The following IFFO1 variants were observed in gnomAD, a reference collection of about 807,000 sequenced individuals.
IFFO1 encodes intermediate filament family orphan 1.
A neutral mutation model predicts 59.6 loss-of-function variants in IFFO1; 42 were observed. The observed-to-expected ratio is 0.70, with a 90% CI of 0.55 to 0.91. The LOEUF (loss-of-function observed/expected upper bound fraction) is 0.91, where lower values mean the gene tolerates loss of function less well. Among genes scored for constraint, IFFO1 ranks in the 40% least tolerant of loss-of-function variants. The pLI is 0.00. For synonymous variants in IFFO1, 336 were observed against 342.8 expected (o/e 0.98, Z 0.22); for missense variants, 711 against 793.2 (o/e 0.90, Z 1.24).
chr12:6,556,034 G>A lies in IFFO1; in HGVS notation c.-5C>T, dbSNP rs1248007742. 1.3e-6 allele frequency: 2 copies of A among 1,575,076 alleles called. No homozygotes were observed. The highest frequency in any genetic ancestry group is 3.5e-5 in the Admixed American group (2 of 56,642). ...GGGGCCGAATAACGGATTCATGGCT[G>A]CGCCTTCTGCTGGGAGATGCAGACC... On this transcript the variant is annotated 5_prime_UTR_variant, in exon 1 of 10. Transcript: ENST00000619571.
At chr12:6,554,052 C>T (rs1947337847) in intron 1 of IFFO1, among the ~76,000 whole-genome samples, 1 of 149,910 alleles carries the variant, frequency 6.7e-6, no homozygotes, top group Non-Finnish European at 1.5e-5. Context: ...ATTTGGGATG[C>T]TTTTTCTATA....
intron 8 of IFFO1, among the ~76,000 whole-genome samples, chr12:6,544,414 C>T (rs904710325): frequency 2.0e-5 from 3 of 152,174 alleles, no homozygotes; most frequent in Non-Finnish European, 2.9e-5. Flanking sequence ...AGTGATCTGC[C>T]CGCGTTGGCC....
rs559250712 is a variant in IFFO1, at chr12:6,541,834, C to T, written c.1480-192G>A. Among the ~76,000 whole-genome samples, 15 of 152,240 alleles carry T rather than the reference C, an allele frequency of 9.9e-5. No individual in the cohort carries two copies. The highest frequency in any genetic ancestry group is 1.6e-4 in the Non-Finnish European group (11 of 68,036). On this transcript the variant is annotated intron_variant, in intron 8 of 9. Coordinates refer to ENST00000619571, the MANE Select transcript of IFFO1 (RefSeq NM_001193457.2). The surrounding 1 kb of genome is among the most constrained non-coding windows in gnomAD (Gnocchi z 4.8). ...AGCGAATACACCATTGTTTCCTCTG[C>T]TTTTCCTGGAAATCTTTGCCTATGG...
In IFFO1 at chr12:6,540,567, C is replaced by T. The variant is rs543186819; in HGVS notation, c.1632G>A (p.Ala544=). Reference sequence around the variant, plus strand: ...GCGGCGGCGGGTCGCTAAGCGGGACCGCAGTGAAAGCAGGAGACTTTCTAG... The same window carrying T: ...GCGGCGGCGGGTCGCTAAGCGGGACTGCAGTGAAAGCAGGAGACTTTCTAG... ...SGDRKSPAFT[A]VPLSDPPPPP... Residue 544 remains alanine (A), a synonymous_variant, in exon 10 of 10, where the codon GCG becomes GCA. Transcript: ENST00000619571. The T allele has an allele frequency of 1.4e-5, 22 of 1,613,668 alleles. No homozygotes were observed. Among genetic ancestry groups the T allele is most frequent in the Non-Finnish European group, 1.7e-5 (20 of 1,180,000 alleles).
Position 6,549,190 on chromosome 12 carries a change from T to TA in IFFO1, c.1080+285dup, listed in dbSNP as rs11439256. 0.22 allele frequency: 95,846 copies of TA among 433,062 alleles called. 5,284 individuals are homozygous for TA. The highest frequency in any genetic ancestry group is 0.3 in the African/African-American group (13,532 of 45,306). 26.8% of individuals were successfully genotyped at this position (433,062 alleles called of 1,614,324 possible). ...AGTCTTTTTGATTAAATGACTCAAC[T>TA]AAAAAAAAAAAAGCTTTAGGACGCA... On this transcript the variant is annotated intron_variant, in intron 5 of 9. Coordinates refer to ENST00000619571, the MANE Select transcript of IFFO1 (RefSeq NM_001193457.2). This position sits in a 1 kb window ranked among gnomAD's most constrained non-coding sequence, Gnocchi z 5.0.
At chr12:6,546,301 C>G (rs564695606) in intron 8 of IFFO1, among the ~76,000 whole-genome samples, 1 of 152,172 alleles carries the variant, frequency 6.6e-6, no homozygotes, top group Non-Finnish European at 1.5e-5. Context: ...GGGGGGACTA[C>G]GTATGAATCT....
At chr12:6,539,512 G>C (rs563543849), downstream of IFFO1, 11 of 151,558 alleles carry the variant, frequency 7.3e-5, no homozygotes, top group Non-Finnish European at 1.5e-4. Context: ...AAGTGCTTGA[G>C]ACAGTGACAC....
Position 6,550,751 on chromosome 12 carries a change from G to A in IFFO1, c.874C>T (p.Leu292=), listed in dbSNP as rs1298050561. ...TCAGCCTTCAACTGTTCCACCTTCAGTGCCAGCTCCTCCTGGCAGGCATCA... is the reference window on the plus strand; with the variant it reads ...TCAGCCTTCAACTGTTCCACCTTCAATGCCAGCTCCTCCTGGCAGGCATCA... ...EADACQEELA[L]KVEQLKAELV... is the part of the protein sequence containing the mutation. The change falls in exon 3 of 10, where the codon CTG becomes TTG. Residue 292 remains leucine (L), a synonymous_variant. Transcript: ENST00000619571. 6.2e-7 allele frequency: 1 copy of A among 1,614,202 alleles called. No individual in the cohort carries two copies. The highest frequency in any genetic ancestry group is 1.1e-5 in the South Asian group (1 of 91,088).
intron 8 of IFFO1, among the ~76,000 whole-genome samples, chr12:6,544,051 G>A (rs564638439): frequency 5.1e-4 from 78 of 152,128 alleles, no homozygotes; most frequent in Admixed American, 2.2e-3. Flanking sequence ...CATTTCCCCC[G>A]GGTCAGTGGA....
At chr12:6,547,977 C>A in intron 8 of IFFO1, 88 bp downstream of exon 8, 1 of 946,180 alleles carries the variant, frequency 1.1e-6, no homozygotes, top group East Asian at 2.4e-5. Flanking sequence ...TCTCTAGGGT[C>A]CTGCAGCAGG....
intron 8 of IFFO1, among the ~76,000 whole-genome samples, chr12:6,547,072 T>C (rs556350741): frequency 6.6e-6 from 1 of 152,316 alleles, no homozygotes; most frequent in East Asian, 1.9e-4. Context: ...TCATCTGATC[T>C]TCTAAACAAC....
At chr12:6,544,520 C>G (rs1025095080) in intron 8 of IFFO1, among the ~76,000 whole-genome samples, 1 of 152,168 alleles carries the variant, frequency 6.6e-6, no homozygotes, top group Middle Eastern at 3.2e-3. Context: ...TTCGTTCTTT[C>G]AGATCATGTT....
At chr12:6,551,324 A>T in intron 1 of IFFO1, 1 of 885,656 alleles carries the variant, frequency 1.1e-6, no homozygotes, top group South Asian at 1.5e-5. Context: ...CAGCTCAGCC[A>T]GCTGTCCGGC....
intron 1 of IFFO1, among the ~76,000 whole-genome samples, chr12:6,552,314 C>T (rs1947268125): frequency 6.6e-6 from 1 of 152,094 alleles, no homozygotes; most frequent in Admixed American, 6.5e-5. Flanking sequence ...CCCTGCTGGG[C>T]AGAGCAGGAG....
At chr12:6,552,984 G>C (rs1347493890) in intron 1 of IFFO1, among the ~76,000 whole-genome samples, 1 of 152,132 alleles carries the variant, frequency 6.6e-6, no homozygotes, top group African/African-American at 2.4e-5. Flanking sequence ...AGAAAGCAGG[G>C]ACCATTCCTA....
At chr12:6,550,061 C>T in intron 3 of IFFO1, 165 bp from the exon 4 acceptor site, 1 of 696,206 alleles carries the variant, frequency 1.4e-6, no homozygotes, top group South Asian at 2.1e-5. Context: ...CGGTGGCCTC[C>T]CCACAGCACT....
Position 6,548,006 on chromosome 12 carries a change from G to A in IFFO1, c.1479+59C>T. Reference sequence around the variant, plus strand: ...CAGCAGGGATGAGGCCACTGCGCCTGCAGCCCCACTCAAAACCCTCTGGGA... The same window carrying A: ...CAGCAGGGATGAGGCCACTGCGCCTACAGCCCCACTCAAAACCCTCTGGGA... On this transcript the variant is annotated intron_variant, in intron 8 of 9. Transcript: ENST00000619571. The surrounding 1 kb of genome is among the most constrained non-coding windows in gnomAD (Gnocchi z 6.1). 1.6e-6 allele frequency: 2 copies of A among 1,280,804 alleles called. No homozygotes were observed. The highest frequency in any genetic ancestry group is 2.3e-6 in the Non-Finnish European group (2 of 876,932). 79.3% of individuals were successfully genotyped at this position (1,280,804 alleles called of 1,614,324 possible).
At chr12:6,552,009 A>G (rs1207521941) in intron 1 of IFFO1, 1 of 156,854 alleles carries the variant, frequency 6.4e-6, no homozygotes, top group Non-Finnish European at 1.4e-5. Context: ...TAGCTGGCGT[A>G]GCAGCACATC....
At chr12:6,545,515 G>A (rs1946912900) in intron 8 of IFFO1, among the ~76,000 whole-genome samples, 1 of 151,988 alleles carries the variant, frequency 6.6e-6, no homozygotes, top group Non-Finnish European at 1.5e-5. Flanking sequence ...CTAACACGGT[G>A]AAACCCCATC....
Sources: gnomAD v4.1 joint callset for allele counts (sites outside exome capture counted in the v4.1 genomes callset) on GRCh38, gnomAD v4.1.1 for gene constraint, Gnocchi (gnomAD v3.1) non-coding constraint, MANE v1.5 for transcripts, NCBI Gene and HGNC (gene_info 2026-07-23, HGNC 2026-07-21) for gene names.